FRMD6: variants seen among roughly 807,000 people sequenced by gnomAD.
FRMD6 encodes the protein FERM domain containing 6, also known as FERM domain-containing protein 6.
In FRMD6, 37 loss-of-function variants were observed where a neutral mutation model predicts 73.2. The ratio of observed to expected loss-of-function variants is 0.51; its 90% confidence interval spans 0.39 to 0.66. The LOEUF (loss-of-function observed/expected upper bound fraction) is 0.66. Among genes scored for constraint, FRMD6 ranks in the 30% least tolerant of loss-of-function variants. FRMD6 has a pLI of 0.00. For synonymous variants in FRMD6, 273 were observed against 282.2 expected (o/e 0.97, Z 0.33); for missense variants, 714 against 780.5 (o/e 0.91, Z 1.02).
At chr14:51,496,267 A>G (rs778690312) in intron 1 of FRMD6, among the ~76,000 whole-genome samples, 1 of 152,240 alleles carries the variant, frequency 6.6e-6, no homozygotes, top group Non-Finnish European at 1.5e-5. Flanking sequence ...TCCTTGTTAA[A>G]CTGAATAGAC....
rs545628736 is a variant in FRMD6 at position 51,690,574 on chromosome 14, CG to C, written c.99+643del. Among the ~76,000 whole-genome samples the C allele has an allele frequency of 8.9e-4, 135 of 152,202 alleles. 2 individuals are homozygous for C. The highest frequency in any genetic ancestry group is 3.1e-3 in the African/African-American group (129 of 41,524). ...CTAATTTTTTATATTTTAGTAGCGA[CG>C]GGGTTTCACCATATTGGCCAGGCTG... On this transcript the variant is annotated intron_variant, in intron 2 of 13. Coordinates refer to ENST00000344768, the MANE Select transcript of FRMD6 (RefSeq NM_001267046.2).
At chr14:51,436,925 G>A in the FRMD6 span, 1 of 1,009,622 alleles carries the variant, frequency 9.9e-7, no homozygotes, top group Non-Finnish European at 1.5e-6. Context: ...AGATGATGAT[G>A]AAGGGGAGGG....
intron 1 of FRMD6, among the ~76,000 whole-genome samples, chr14:51,521,989 G>A (rs1884980988): frequency 6.6e-6 from 1 of 152,080 alleles, no homozygotes; most frequent in African/African-American, 2.4e-5. Context: ...TACTTAAAAT[G>A]TAATTGAAAA....
the FRMD6 span, among the ~76,000 whole-genome samples, chr14:51,415,187 T>C: frequency 4.6e-5 from 7 of 152,350 alleles, no homozygotes; most frequent in Middle Eastern, 6.8e-3. Flanking sequence ...TCCAACACTA[T>C]GTTGAATAGG....
chr14:51,487,681 A>G (rs1202071134), upstream of FRMD6, among the ~76,000 whole-genome samples: 2 of 152,250 alleles, frequency 1.3e-5, no homozygotes, highest in African/African-American at 2.4e-5. Context: ...CTATATTCAG[A>G]GAAAGGATGA....
At chr14:51,526,274 T>A (rs1885252488) in intron 1 of FRMD6, among the ~76,000 whole-genome samples, 1 of 152,166 alleles carries the variant, frequency 6.6e-6, no homozygotes, top group African/African-American at 2.4e-5. Flanking sequence ...AGATCATGTC[T>A]CCTCACCCTT....
the FRMD6 span, among the ~76,000 whole-genome samples, chr14:51,421,217 C>T: frequency 6.6e-6 from 1 of 152,072 alleles, no homozygotes; most frequent in Non-Finnish European, 1.5e-5. Context: ...GGAGACAGCA[C>T]TTAAGCAAAA....
At chr14:51,537,402 C>T (rs914280893) in intron 1 of FRMD6, among the ~76,000 whole-genome samples, 10 of 152,286 alleles carry the variant, frequency 6.6e-5, no homozygotes, top group Admixed American at 5.9e-4. Context: ...TATCCATTCA[C>T]GTACTGAAGG....
intron 11 of FRMD6, 89 bp downstream of exon 11, chr14:51,720,479 CT>C: frequency 1.7e-6 from 2 of 1,169,768 alleles, no homozygotes; most frequent in Non-Finnish European, 2.5e-6. Context: ...TGGAGAGCAA[CT>C]TTAGGCAGTA....
chr14:51,451,181 G>T, the FRMD6 span, among the ~76,000 whole-genome samples: 1 of 151,908 alleles, frequency 6.6e-6, no homozygotes, highest in Non-Finnish European at 1.5e-5. Flanking sequence ...AAAGCTCAAT[G>T]CATGACACAG....
At chr14:51,535,321 A>G (rs933327596) in intron 1 of FRMD6, among the ~76,000 whole-genome samples, 10 of 152,196 alleles carry the variant, frequency 6.6e-5, no homozygotes, top group African/African-American at 2.4e-4. Context: ...TACCACCTCA[A>G]AAAGAAACCC....
rs118047357 is a variant in FRMD6, at chr14:51,583,360, G to T, written c.-147+12950G>T. On this transcript the variant is annotated intron_variant, in intron 2 of 14. Coordinates refer to the FRMD6 transcript ENST00000356218. Reference sequence around the variant, plus strand: ...CTGCTGTAATGCTTTGAATTCCCTTGCCAGGACACAAAGTCATAGAAAATA... The same window carrying T: ...CTGCTGTAATGCTTTGAATTCCCTTTCCAGGACACAAAGTCATAGAAAATA... Among the ~76,000 whole-genome samples, 484 of 152,250 alleles carry T rather than the reference G, an allele frequency of 3.2e-3. 4 individuals are homozygous for T. Among genetic ancestry groups the T allele is most frequent in the Non-Finnish European group, 5.8e-3 (395 of 68,012 alleles).
chr14:51,597,837 G>C (rs1330076489), intron 2 of FRMD6, among the ~76,000 whole-genome samples: 1 of 152,200 alleles, frequency 6.6e-6, no homozygotes, highest in Non-Finnish European at 1.5e-5. Context: ...TGAGAGTTCT[G>C]ACTGGTCTCT....
chr14:51,417,019 C>A, the FRMD6 span, among the ~76,000 whole-genome samples: 7 of 152,150 alleles, frequency 4.6e-5, no homozygotes, highest in Admixed American at 4.6e-4. Flanking sequence ...AGATCTTCCT[C>A]CATCCCTTTA....
the FRMD6 span, among the ~76,000 whole-genome samples, chr14:51,461,260 A>G: frequency 2.0e-5 from 3 of 152,362 alleles, no homozygotes; most frequent in East Asian, 5.8e-4. Context: ...CTTAGACTAC[A>G]GCAAGGTACT....
intron 7 of FRMD6, 159 bp downstream of exon 7, chr14:51,708,392 C>A: frequency 4.3e-6 from 3 of 702,584 alleles, no homozygotes; most frequent in Non-Finnish European, 6.8e-6. Flanking sequence ...TATCGCACGT[C>A]AGTCTTGGAG....
intron 1 of FRMD6, among the ~76,000 whole-genome samples, chr14:51,496,333 A>G (rs769696851): frequency 9.2e-5 from 14 of 152,204 alleles, no homozygotes; most frequent in Non-Finnish European, 1.8e-4. Flanking sequence ...GTGGCTGAAA[A>G]CAACAATGAT....
intron 2 of FRMD6, among the ~76,000 whole-genome samples, chr14:51,580,794 A>T (rs1173722784): frequency 1.3e-5 from 2 of 152,226 alleles, no homozygotes; most frequent in Non-Finnish European, 2.9e-5. Flanking sequence ...CAATTTATCA[A>T]TTTGTAAATG....
chr14:51,537,191 C>T (rs1169070012), intron 1 of FRMD6, among the ~76,000 whole-genome samples: 1 of 152,180 alleles, frequency 6.6e-6, no homozygotes, highest in Non-Finnish European at 1.5e-5. Flanking sequence ...CTTCCTTTCT[C>T]TCAGACATTG....
Sources: gnomAD v4.1 joint callset for allele counts (sites outside exome capture counted in the v4.1 genomes callset) on GRCh38, gnomAD v4.1.1 for gene constraint, MANE v1.5 for transcripts, NCBI Gene and HGNC (gene_info 2026-07-23, HGNC 2026-07-21) for gene names.